Variants in WWOX observed in about 807,000 individuals in gnomAD.
WWOX encodes WW domain containing oxidoreductase, also known as WW domain-containing oxidoreductase.
A neutral mutation model predicts 46.2 loss-of-function variants in WWOX; 69 were observed. The observed-to-expected ratio is 1.49, with a 90% CI of 1.23 to 1.82. WWOX has a LOEUF of 1.82. WWOX is among the 40% of genes most tolerant of loss of function. The pLI is 0.00. For synonymous variants in WWOX, 359 were observed against 202.6 expected (o/e 1.77, Z -6.56); for missense variants, 919 against 542.6 (o/e 1.69, Z -6.89).
chr16:79,011,459 TTTTA>T (rs56691445), intron 8 of WWOX, among the ~76,000 whole-genome samples: 26,876 of 131,792 alleles, frequency 0.2, 2,814 homozygotes, highest in Middle Eastern at 0.35. Flanking sequence ...TTATTTTTTA[TTTTA>T]TTTATTTATT....
chr16:78,492,447 A>G (rs980408813), intron 8 of WWOX, among the ~76,000 whole-genome samples: 3 of 152,134 alleles, frequency 2.0e-5, no homozygotes, highest in African/African-American at 7.2e-5. Context: ...CTGGAGTCAA[A>G]CATATTCAGC....
chr16:79,133,305 A>T (rs946088112), intron 8 of WWOX, among the ~76,000 whole-genome samples: 5 of 152,134 alleles, frequency 3.3e-5, no homozygotes, highest in African/African-American at 1.2e-4. Context: ...ATGAGACGCC[A>T]CTTAACAATT....
chr16:78,707,316 T>C (rs560560610), intron 8 of WWOX, among the ~76,000 whole-genome samples: 2 of 152,342 alleles, frequency 1.3e-5, no homozygotes, highest in South Asian at 4.1e-4. Flanking sequence ...TTCTCAACAA[T>C]TGTGTAACCA....
chr16:78,904,234 C>CT (rs5818190), intron 8 of WWOX, among the ~76,000 whole-genome samples: 2,178 of 85,768 alleles, frequency 0.025, 124 homozygotes, highest in African/African-American at 0.073. Context: ...TTATAAATGC[C>CT]TTTTTTTTTT....
chr16:78,112,703 C>CT lies in WWOX; in HGVS notation c.231-2260dup, dbSNP rs1191825699. ...TTTTTTTTTTTTCCAAGTTTTCTTT[C>CT]TTTTTTTTTTTTTATACTGGGTCTT... On this transcript the variant is annotated intron_variant, in intron 3 of 8. Transcript: ENST00000566780. Among the ~76,000 whole-genome samples the CT allele has an allele frequency of 9.8e-3, 1,120 of 114,186 alleles. 8 individuals carry two copies. Among genetic ancestry groups the CT allele is most frequent in the Middle Eastern group, 0.018 (4 of 222 alleles). The allele number at this position is 114,186 out of a possible 152,430, so 74.9% of individuals were successfully genotyped here.
chr16:78,585,916 G>A (rs566538778), intron 8 of WWOX, among the ~76,000 whole-genome samples: 2 of 152,102 alleles, frequency 1.3e-5, no homozygotes, highest in Admixed American at 6.5e-5. Context: ...GAGGTTTGGT[G>A]ATCAGCGTGG....
At chr16:78,603,846 C>A (rs1015126310) in intron 8 of WWOX, among the ~76,000 whole-genome samples, 3 of 152,110 alleles carry the variant, frequency 2.0e-5, no homozygotes, top group African/African-American at 7.2e-5. Context: ...TAGACTCTCT[C>A]AAAAATTAGA....
At chr16:78,620,142 A>G (rs540115940) in intron 8 of WWOX, among the ~76,000 whole-genome samples, 1 of 152,328 alleles carries the variant, frequency 6.6e-6, no homozygotes, top group Non-Finnish European at 1.5e-5. Flanking sequence ...CTAGTAGCTA[A>G]TGGTGAGTAG....
Position 78,740,763 on chromosome 16 carries a change from G to A in WWOX, c.1056+308011G>A, listed in dbSNP as rs779963942. Among the ~76,000 whole-genome samples the A allele has an allele frequency of 6.0e-4, 92 of 152,258 alleles. 1 individual carries two copies. The highest frequency in any genetic ancestry group is 1.2e-3 in the Non-Finnish European group (81 of 68,008). ...ACACCAAATGCAGGTCCACCCTGGT[G>A]GATATCTTGGTTGCAGCACTCTGTG... On this transcript the variant is annotated intron_variant, in intron 8 of 8. Transcript: ENST00000566780.
chr16:79,189,425 G>T (rs1231942158), intron 8 of WWOX, among the ~76,000 whole-genome samples: 1 of 6,912 alleles, frequency 1.4e-4, no homozygotes, highest in African/African-American at 9.8e-4. Flanking sequence ...TCCCAGCTTT[G>T]TGTGTGTGTG....
At chr16:78,538,725 T>G (rs752395097) in intron 8 of WWOX, among the ~76,000 whole-genome samples, 9 of 152,356 alleles carry the variant, frequency 5.9e-5, no homozygotes, top group Non-Finnish European at 1.3e-4. Context: ...TTAATCTTAT[T>G]TCTAATACCA....
intron 8 of WWOX, chr16:78,891,878 C>T (rs887349037): frequency 2.0e-5 from 3 of 152,192 alleles, no homozygotes; most frequent in African/African-American, 7.2e-5. Context: ...TTCATCAACT[C>T]TAACAAATGA....
chr16:79,157,975 G>C (rs527782384), intron 8 of WWOX, among the ~76,000 whole-genome samples: 1 of 152,172 alleles, frequency 6.6e-6, no homozygotes, highest in African/African-American at 2.4e-5. Context: ...AATAAAGGAG[G>C]TGGTGGGGTG....
chr16:79,027,958 T>A (rs2047678714), intron 8 of WWOX, among the ~76,000 whole-genome samples: 1 of 151,548 alleles, frequency 6.6e-6, no homozygotes, highest in African/African-American at 2.4e-5. Flanking sequence ...TTGTTGTTGT[T>A]TGTTTGTTTT....
chr16:78,722,032 G>C (rs2048704509), intron 8 of WWOX, among the ~76,000 whole-genome samples: 2 of 152,134 alleles, frequency 1.3e-5, no homozygotes. Context: ...GTGGTATTTT[G>C]CATATTAATA....
chr16:78,868,484 T>TCAC, intron 8 of WWOX, among the ~76,000 whole-genome samples: 2 of 133,082 alleles, frequency 1.5e-5, no homozygotes, highest in Non-Finnish European at 3.3e-5. Flanking sequence ...TATACTAACA[T>TCAC]CAAACTGTAT....
chr16:78,772,980 A>G (rs568236100), intron 8 of WWOX, among the ~76,000 whole-genome samples: 32 of 152,320 alleles, frequency 2.1e-4, no homozygotes, highest in Admixed American at 1.5e-3. Flanking sequence ...AGCTGTCATC[A>G]TGCCGCTGTG....
intron 5 of WWOX, among the ~76,000 whole-genome samples, chr16:78,318,272 A>ATTTTTTTTTTTTTTTTT (rs34730954): frequency 1.1e-4 from 14 of 123,548 alleles, no homozygotes; most frequent in African/African-American, 4.2e-4. Flanking sequence ...TCTGGGAGGA[A>ATTTTTTTTTTTTTTTTT]TTTTTTTTTT....
At chr16:78,450,045 C>T (rs1054723095) in intron 8 of WWOX, among the ~76,000 whole-genome samples, 26 of 151,802 alleles carry the variant, frequency 1.7e-4, no homozygotes, top group Admixed American at 6.6e-5. Flanking sequence ...AATAACCACC[C>T]GTTACTTTGC....
Sources: allele counts gnomAD v4.1 joint callset (sites outside exome capture counted in the v4.1 genomes callset), GRCh38; gene constraint gnomAD v4.1.1; transcripts MANE v1.5; gene names NCBI Gene and HGNC (gene_info 2026-07-23, HGNC 2026-07-21).